Variants in TMEM114 observed in about 807,000 individuals in gnomAD.
TMEM114 encodes the protein transmembrane protein 114, also known as claudin-26.
TMEM114 carries 6 observed loss-of-function variants against 6.2 expected under a neutral mutation model. The ratio of observed to expected loss-of-function variants is 0.97; its 90% CI spans 0.53 to 1.91. The LOEUF (loss-of-function observed/expected upper bound fraction) is 1.91. TMEM114 is among the 40% of genes most tolerant of loss of function. The pLI is 0.01. For synonymous variants in TMEM114, 104 were observed against 73.0 expected (o/e 1.42, Z -2.16); for missense variants, 218 against 158.3 (o/e 1.38, Z -2.02).
chr16:8,532,442 T>C, the TMEM114 span, among the ~76,000 whole-genome samples: 2 of 152,090 alleles, frequency 1.3e-5, no homozygotes, highest in Non-Finnish European at 2.9e-5. Flanking sequence ...ATGATCGAAA[T>C]TGGACACCAG....
At chr16:8,531,810 G>A in the TMEM114 span, 1 of 152,220 alleles carries the variant, frequency 6.6e-6, no homozygotes, top group South Asian at 2.1e-4. Context: ...AATAGTCTGT[G>A]AAGCACTCAG....
At chr16:8,565,232 T>C (rs1021042066), downstream of TMEM114, among the ~76,000 whole-genome samples, 1 of 152,148 alleles carries the variant, frequency 6.6e-6, no homozygotes, top group Non-Finnish European at 1.5e-5. Flanking sequence ...AGTGAATGAA[T>C]GAAGCATGGG....
intron 2 of TMEM114, among the ~76,000 whole-genome samples, chr16:8,547,549 C>A (rs1232486943): frequency 1.3e-5 from 2 of 152,040 alleles, no homozygotes; most frequent in African/African-American, 4.8e-5. Flanking sequence ...CCCGCCACTA[C>A]GCCTGGCCAA....
intron 2 of TMEM114, among the ~76,000 whole-genome samples, chr16:8,553,801 A>T (rs1317977480): frequency 6.6e-6 from 1 of 150,732 alleles, no homozygotes; most frequent in Non-Finnish European, 1.5e-5. Context: ...TTTCAAGTTC[A>T]TTATCTTCCC....
At chr16:8,542,042 C>T (rs4131880) in intron 2 of TMEM114, among the ~76,000 whole-genome samples, 2,696 of 152,216 alleles carry the variant, frequency 0.018, 93 homozygotes, top group African/African-American at 0.063. Flanking sequence ...AGAAAAAGCA[C>T]GCCAACATTA....
intron 2 of TMEM114, among the ~76,000 whole-genome samples, chr16:8,585,439 A>T (rs1372206519): frequency 6.6e-6 from 1 of 151,850 alleles, no homozygotes; most frequent in Non-Finnish European, 1.5e-5. Flanking sequence ...TTCTTCCCAT[A>T]CACCCCCACC....
intron 2 of TMEM114, among the ~76,000 whole-genome samples, chr16:8,581,613 C>G (rs993592797): frequency 6.6e-6 from 1 of 152,202 alleles, no homozygotes; most frequent in Admixed American, 6.5e-5. Flanking sequence ...GCCACCACAC[C>G]TGGCTAATTT....
At chr16:8,542,640 A>G (rs1900548899) in intron 2 of TMEM114, among the ~76,000 whole-genome samples, 1 of 152,198 alleles carries the variant, frequency 6.6e-6, no homozygotes, top group Non-Finnish European at 1.5e-5. Flanking sequence ...GAGGCCAGCA[A>G]CAGGGGTAGG....
intron 2 of TMEM114, among the ~76,000 whole-genome samples, chr16:8,542,516 C>T (rs1209808226): frequency 6.6e-6 from 1 of 152,120 alleles, no homozygotes; most frequent in East Asian, 1.9e-4. Context: ...TGAGCTAGAC[C>T]TGCTTTTCAA....
chr16:8,551,996 G>A (rs1900859307), intron 2 of TMEM114, among the ~76,000 whole-genome samples: 2 of 152,166 alleles, frequency 1.3e-5, no homozygotes, highest in Non-Finnish European at 1.5e-5. Flanking sequence ...ATTCTATATT[G>A]TATGGTTCCA....
At chr16:8,571,938 C>G (rs995064200) in intron 3 of TMEM114, 149 bp downstream of exon 3, 2 of 1,004,770 alleles carry the variant, frequency 2.0e-6, no homozygotes, top group Non-Finnish European at 1.4e-6. Context: ...GGCTGGAAAC[C>G]ACTCATCTCT....
In TMEM114 at chr16:8,579,053, GATATTTTAGACGCAAAA is replaced by G. The variant is rs1902042614; in HGVS notation, c.302-6846_302-6830del. Among the ~76,000 whole-genome samples, 5 of 152,292 alleles carry G rather than the reference GATATTTTAGACGCAAAA, an allele frequency of 3.3e-5. 1 individual carries two copies. The East Asian group carries it at 5.8e-4, about 18-fold the overall frequency. ...GTAAACGTGTGTGCCCCAGTGCAGA[GATATTTTAGACGCAAAA>G]ATGCTTTGCTACAAGTCAAGGGAAA... On this transcript the variant is annotated intron_variant, in intron 2 of 3. Coordinates refer to ENST00000620492, the MANE Select transcript of TMEM114 (RefSeq NM_001146336.2).
chr16:8,549,014 C>G, intron 2 of TMEM114, among the ~76,000 whole-genome samples: 1 of 151,730 alleles, frequency 6.6e-6, no homozygotes, highest in East Asian at 1.9e-4. Flanking sequence ...AACTCCAGCT[C>G]TACTAAAAAT....
At chr16:8,543,198 C>T (rs1197057350) in intron 2 of TMEM114, among the ~76,000 whole-genome samples, 1 of 152,114 alleles carries the variant, frequency 6.6e-6, no homozygotes, top group Non-Finnish European at 1.5e-5. Context: ...AAAGCTGGGC[C>T]CCAATGGGGG....
intron 2 of TMEM114, among the ~76,000 whole-genome samples, chr16:8,543,130 C>T (rs193224736): frequency 1.3e-3 from 203 of 152,266 alleles, no homozygotes; most frequent in African/African-American, 3.9e-3. Context: ...TTCGGTGTTT[C>T]TGAAGTGTTT....
chr16:8,530,524 AAAG>A, the TMEM114 span, among the ~76,000 whole-genome samples: 1 of 151,992 alleles, frequency 6.6e-6, no homozygotes, highest in African/African-American at 2.4e-5. Flanking sequence ...AGAAGAAAGG[AAAG>A]AAGGAGACAG....
Position 8,561,130 on chromosome 16 carries a change from G to A in TMEM114, n.213-23304C>T, listed in dbSNP as rs531725194. ...GGTCCCTCCTGGAATTCTGGGAACT[G>A]CAACTCAAGATGAGATTTGGGTGGG... On this transcript the variant is annotated intron_variant and non_coding_transcript_variant, in intron 2 of 2. Coordinates refer to the TMEM114 transcript ENST00000623677. 4.6e-5 allele frequency among the ~76,000 whole-genome samples: 7 copies of A among 152,310 alleles called. No homozygotes were observed. In the East Asian group the frequency reaches 1.4e-3, roughly 29 times the overall value.
chr16:8,585,335 C>T (rs1902285796), intron 2 of TMEM114, among the ~76,000 whole-genome samples: 1 of 152,162 alleles, frequency 6.6e-6, no homozygotes, highest in Admixed American at 6.5e-5. Context: ...ATGGGACTTC[C>T]CTAACAGTCC....
chr16:8,564,217 GTTAGT>G lies in TMEM114; in HGVS notation n.212+24991_212+24995del, dbSNP rs1901425577. Among the ~76,000 whole-genome samples, 233 of 144,188 alleles carry G rather than the reference GTTAGT, an allele frequency of 1.6e-3. 1 individual carries two copies. Among genetic ancestry groups the G allele is most frequent in the South Asian group, 2.0e-3 (9 of 4,544 alleles). 94.6% of individuals were successfully genotyped at this position (144,188 alleles called of 152,430 possible). ...AATGAGTGAGTGGGTGAATGAGTGA[GTTAGT>G]GAATGAGTGAGTTAGTGAATGAGTG... On this transcript the variant is annotated intron_variant and non_coding_transcript_variant, in intron 2 of 2. Transcript: ENST00000623677.
Sources: gnomAD v4.1 joint callset for allele counts (sites outside exome capture counted in the v4.1 genomes callset) on GRCh38, gnomAD v4.1.1 for gene constraint, MANE v1.5 for transcripts, NCBI Gene and HGNC (gene_info 2026-07-23, HGNC 2026-07-21) for gene names.